CTNNA3: variants seen among roughly 807,000 people sequenced by gnomAD.
CTNNA3 encodes catenin alpha 3.
A neutral mutation model predicts 95.7 loss-of-function variants in CTNNA3; 76 were observed. The ratio of observed to expected loss-of-function variants is 0.79; its 90% CI spans 0.66 to 0.96. CTNNA3 has a LOEUF of 0.96. Among genes scored for constraint, CTNNA3 ranks in the 40% least tolerant of loss-of-function variants. The pLI is 0.00. For missense variants in CTNNA3, 1,191 were observed against 1,089.8 expected, an observed-to-expected ratio of 1.09 and a Z score of -1.31; for synonymous variants, 431 against 374.4, an observed-to-expected ratio of 1.15 and a Z score of -1.74.
Position 67,617,232 on chromosome 10 carries a change from T to C in CTNNA3, c.100-10183A>G, listed in dbSNP as rs1481966430. On this transcript the variant is annotated intron_variant, in intron 2 of 17. Coordinates refer to ENST00000433211, the MANE Select transcript of CTNNA3 (RefSeq NM_013266.4). ...CCCAGGTATGAAGCCTAGCACTCAA[T>C]AGTTATTTTTCATGATTCTCTCCCT... is the stretch of plus-strand genomic sequence containing the variant. Among the ~76,000 whole-genome samples the C allele has an allele frequency of 2.6e-5, 4 of 152,282 alleles. No individual in the cohort carries two copies. The East Asian group carries it at 7.7e-4, about 29-fold the overall frequency.
intron 9 of CTNNA3, among the ~76,000 whole-genome samples, chr10:66,707,126 T>A (rs1848143720): frequency 6.6e-6 from 1 of 152,052 alleles, no homozygotes; most frequent in Non-Finnish European, 1.5e-5. Context: ...TAAGCCACCC[T>A]TTAAAAATTC....
At chr10:67,034,457 T>C (rs774984542) in intron 7 of CTNNA3, among the ~76,000 whole-genome samples, 1 of 152,224 alleles carries the variant, frequency 6.6e-6, no homozygotes, top group Non-Finnish European at 1.5e-5. Flanking sequence ...TCACATCTTC[T>C]AGTGTCCAGT....
intron 12 of CTNNA3, among the ~76,000 whole-genome samples, chr10:66,346,236 TATATATATATAGAGAGAGAG>T (rs1169843227): frequency 0.066 from 1,633 of 24,574 alleles, 7 homozygotes; most frequent in East Asian, 0.2. Flanking sequence ...TATATATATA[TATATATATATAGAGAGAGAG>T]AGAGAGAGAG....
rs1360047004 is a variant in CTNNA3, at chr10:66,927,652, C to G, written c.1048-152128G>C. 1.2e-6 allele frequency: 2 copies of G among 1,614,064 alleles called. No individual in the cohort carries two copies. The highest frequency in any genetic ancestry group is 1.7e-6 in the Non-Finnish European group (2 of 1,180,040). On this transcript the variant is annotated intron_variant, in intron 7 of 17. Coordinates refer to ENST00000433211, the MANE Select transcript of CTNNA3 (RefSeq NM_013266.4). The surrounding 1 kb of genome is among the most constrained non-coding windows in gnomAD (Gnocchi z 4.7). ...GTGGAATAAAATCAGTGTCATAGGA[C>G]AGACCATGTCCTGGACCTGGAGCTC...
chr10:66,522,333 G>A (rs192095103), intron 10 of CTNNA3, among the ~76,000 whole-genome samples: 1 of 152,012 alleles, frequency 6.6e-6, no homozygotes, highest in East Asian at 1.9e-4. Flanking sequence ...GCCTTTCATA[G>A]GGGTTTGATA....
intron 7 of CTNNA3, among the ~76,000 whole-genome samples, chr10:67,134,151 G>A (rs1860174929): frequency 6.6e-6 from 1 of 152,056 alleles, no homozygotes; most frequent in Admixed American, 6.6e-5. Context: ...AATGTGAGAA[G>A]GTTGTCAGGG....
At chr10:66,174,386 T>C (rs1275383489) in intron 13 of CTNNA3, among the ~76,000 whole-genome samples, 1 of 152,068 alleles carries the variant, frequency 6.6e-6, no homozygotes, top group East Asian at 1.9e-4. Flanking sequence ...TAACTGAAAA[T>C]TTTAAATATA....
chr10:67,307,198 A>G (rs1211165371), intron 5 of CTNNA3, among the ~76,000 whole-genome samples: 1 of 152,198 alleles, frequency 6.6e-6, no homozygotes, highest in Non-Finnish European at 1.5e-5. Context: ...TATTATGTTG[A>G]TTAAATAATT....
chr10:67,653,512 T>C (rs1381568427), intron 1 of CTNNA3, among the ~76,000 whole-genome samples: 1 of 152,168 alleles, frequency 6.6e-6, no homozygotes, highest in Non-Finnish European at 1.5e-5. Context: ...CTTAAACACA[T>C]CAGCCACAAT....
intron 11 of CTNNA3, among the ~76,000 whole-genome samples, chr10:66,487,404 T>C (rs564002756): frequency 6.6e-6 from 1 of 151,802 alleles, no homozygotes; most frequent in South Asian, 2.1e-4. Flanking sequence ...GGTTTCACCG[T>C]ATTAGCCAGG....
At chr10:67,763,259 G>C (rs1298419650) in intron 1 of CTNNA3, among the ~76,000 whole-genome samples, 2 of 134,858 alleles carry the variant, frequency 1.5e-5, no homozygotes, top group African/African-American at 5.3e-5. Context: ...CCCTCCTGTA[G>C]CTCTGCCAAA....
intron 13 of CTNNA3, among the ~76,000 whole-genome samples, chr10:66,196,625 G>C (rs780070907): frequency 3.9e-5 from 6 of 152,174 alleles, no homozygotes; most frequent in Admixed American, 3.9e-4. Context: ...GGCCCCTTAG[G>C]TGGCTTCTGA....
chr10:66,242,182 T>C (rs10740226), intron 13 of CTNNA3, among the ~76,000 whole-genome samples: 122,828 of 152,068 alleles, frequency 0.81, 49,950 homozygotes, highest in South Asian at 0.94. Flanking sequence ...CCTTTGACCT[T>C]GGACTTAGCC....
In CTNNA3 at chr10:66,379,201, C is replaced by A. The variant is rs1260789179; in HGVS notation, c.1683G>T (p.Gly561=). 1.2e-6 allele frequency: 2 copies of A among 1,613,944 alleles called. No homozygotes were observed. Among genetic ancestry groups the A allele is most frequent in the East Asian group, 4.5e-5 (2 of 44,882 alleles). The part of the protein sequence containing the change: ...VTGEMDSYEP[G]AYTEGVMRNV... ...TTCTCATTACACCTTCCGTGTAAGC[C>A]CCTGGCTCGTAACTGTCCATTTCAC... The change falls in exon 12 of 18, where the codon GGG becomes GGT. Residue 561 remains glycine, a synonymous_variant. Transcript: ENST00000433211.
At chr10:66,508,485 C>T (rs1222501893) in intron 11 of CTNNA3, among the ~76,000 whole-genome samples, 1 of 152,024 alleles carries the variant, frequency 6.6e-6, no homozygotes, top group Non-Finnish European at 1.5e-5. Context: ...TTGCCACACT[C>T]CTGGTGCAAC....
Position 67,506,878 on chromosome 10 carries a change from A to G in CTNNA3, c.579+14964T>C, listed in dbSNP as rs1427197304. ...TTCTGAAACAAATGCTGCTGAGTCA[A>G]TACCAGACAGTCCCATGATCAGTTT... On this transcript the variant is annotated intron_variant, in intron 5 of 17. Transcript: ENST00000433211. Among the ~76,000 whole-genome samples, 3 of 152,222 alleles carry G rather than the reference A, an allele frequency of 2.0e-5. No homozygotes were observed. The East Asian group carries it at 5.8e-4, about 29-fold the overall frequency.
At chr10:66,187,076 T>G (rs1489456918) in intron 13 of CTNNA3, among the ~76,000 whole-genome samples, 4 of 152,078 alleles carry the variant, frequency 2.6e-5, no homozygotes, top group African/African-American at 9.7e-5. Context: ...GCAGAATAGA[T>G]TTAGAGCTCC....
At chr10:66,919,283 T>C (rs1011592002) in intron 7 of CTNNA3, among the ~76,000 whole-genome samples, 1 of 152,140 alleles carries the variant, frequency 6.6e-6, no homozygotes, top group African/African-American at 2.4e-5. Context: ...AGTTGATATT[T>C]ATTATACTAG....
intron 11 of CTNNA3, among the ~76,000 whole-genome samples, chr10:66,447,581 T>C (rs900848195): frequency 6.6e-6 from 1 of 152,096 alleles, no homozygotes; most frequent in East Asian, 1.9e-4. Context: ...GGGAAAGCAT[T>C]CCCTATTTAA....
Sources: gnomAD v4.1 joint callset for allele counts (sites outside exome capture counted in the v4.1 genomes callset) on GRCh38, gnomAD v4.1.1 for gene constraint, Gnocchi (gnomAD v3.1) non-coding constraint, MANE v1.5 for transcripts, NCBI Gene and HGNC (gene_info 2026-07-23, HGNC 2026-07-21) for gene names.